PRKD1: variants seen among roughly 807,000 people sequenced by gnomAD.
The protein encoded by PRKD1 is serine/threonine-protein kinase D1.
In PRKD1, 63 loss-of-function variants were observed where a neutral mutation model predicts 95.9. That is an observed-to-expected ratio of 0.66 (90% confidence interval 0.54 to 0.81). PRKD1 has a LOEUF of 0.81. Among genes scored for constraint, PRKD1 ranks in the 30% least tolerant of loss-of-function variants. PRKD1 has a pLI of 0.00. For missense variants in PRKD1, 1,048 were observed against 1,165.3 expected, an observed-to-expected ratio of 0.90 and a Z score of 1.47; for synonymous variants, 425 against 423.1, an observed-to-expected ratio of 1.00 and a Z score of -0.05.
chr14:29,799,155 T>A (rs187724031), intron 1 of PRKD1, among the ~76,000 whole-genome samples: 1 of 152,334 alleles, frequency 6.6e-6, no homozygotes, highest in Admixed American at 6.5e-5. Context: ...TATGCAAGAA[T>A]CAAAGTTGTA....
intron 11 of PRKD1, among the ~76,000 whole-genome samples, chr14:29,628,477 A>G (rs778847672): frequency 1.3e-5 from 2 of 152,184 alleles, no homozygotes; most frequent in Non-Finnish European, 2.9e-5. Flanking sequence ...TCTGATCTAC[A>G]ATTTTCAAAA....
At chr14:29,908,806 T>C (rs1195661414) in intron 1 of PRKD1, among the ~76,000 whole-genome samples, 2 of 152,060 alleles carry the variant, frequency 1.3e-5, no homozygotes, top group Non-Finnish European at 2.9e-5. Flanking sequence ...GTCTTATGAG[T>C]TGTGACTAGA....
At chr14:29,878,826 T>G (rs1893397717) in intron 1 of PRKD1, among the ~76,000 whole-genome samples, 1 of 152,134 alleles carries the variant, frequency 6.6e-6, no homozygotes, top group Non-Finnish European at 1.5e-5. Context: ...AGTTCTGGAA[T>G]TAGATAATCA....
intron 4 of PRKD1, among the ~76,000 whole-genome samples, chr14:29,651,986 T>C (rs1881534192): frequency 6.6e-6 from 1 of 152,250 alleles, no homozygotes; most frequent in Non-Finnish European, 1.5e-5. Context: ...CCTCAGGTGA[T>C]CCACCCGCCT....
intron 2 of PRKD1, among the ~76,000 whole-genome samples, chr14:29,712,003 T>C (rs1885356273): frequency 4.6e-5 from 7 of 152,152 alleles, no homozygotes. Context: ...TTTAAACTTA[T>C]AGGAATATTG....
chr14:29,832,655 C>A (rs750305713), intron 1 of PRKD1, among the ~76,000 whole-genome samples: 14 of 152,130 alleles, frequency 9.2e-5, no homozygotes, highest in Admixed American at 2.0e-4. Flanking sequence ...CTGAGGAGAA[C>A]ACGAATTAGA....
chr14:29,588,139 CTTTT>C (rs906892846), intron 16 of PRKD1, among the ~76,000 whole-genome samples: 1 of 152,136 alleles, frequency 6.6e-6, no homozygotes, highest in Non-Finnish European at 1.5e-5. Flanking sequence ...AATTGTCTTT[CTTTT>C]GTTTCGCGTA....
rs144928679 is a variant in PRKD1, at chr14:29,666,202, G to A, written c.410C>T (p.Ala137Val). The A allele has an allele frequency of 2.1e-5, 34 of 1,590,118 alleles. No individual in the cohort carries two copies. In the African/African-American group the frequency reaches 4.1e-4, roughly 19 times the overall value. The change falls in exon 3 of 18, where the codon GCC (alanine) becomes GTC (valine). Residue 137 changes from alanine to valine, a missense_variant. Transcript: ENST00000331968. ...DLIEVVLSAS[A>V]TFEDFQIRPH... ...ACGAATCTGAAAGTCTTCAAAGGTG[G>A]CGGAAGCTGTAAAAATAGTGATGTT...
chr14:29,604,131 T>C (rs1337356665), intron 13 of PRKD1, among the ~76,000 whole-genome samples: 2 of 152,188 alleles, frequency 1.3e-5, no homozygotes, highest in African/African-American at 4.8e-5. Flanking sequence ...CTAATTCTAA[T>C]TTTTTTGTTT....
intron 3 of PRKD1, among the ~76,000 whole-genome samples, chr14:29,664,424 T>A (rs45624744): frequency 0.021 from 3,135 of 152,264 alleles, 107 homozygotes; most frequent in African/African-American, 0.07. Context: ...TGGAAACAGA[T>A]TTCCCACCTA....
chr14:29,914,909 A>G (rs1487963997), intron 1 of PRKD1, among the ~76,000 whole-genome samples: 1 of 151,788 alleles, frequency 6.6e-6, no homozygotes, highest in Non-Finnish European at 1.5e-5. Context: ...TATTTTTAGT[A>G]GAGACGGGGT....
chr14:29,882,331 T>C lies in PRKD1; in HGVS notation c.264+44918A>G, dbSNP rs576183001. Among the ~76,000 whole-genome samples, 10 of 152,342 alleles carry C rather than the reference T, an allele frequency of 6.6e-5. No homozygotes were observed. The South Asian group carries it at 1.9e-3, about 28-fold the overall frequency. On this transcript the variant is annotated intron_variant, in intron 1 of 17. Transcript: ENST00000331968. Reference sequence around the variant, plus strand: ...CACCACTGAAACTTAACCAATGTTGTCTAATATATTTCCAGTGAATTCGTT... The same window carrying C: ...CACCACTGAAACTTAACCAATGTTGCCTAATATATTTCCAGTGAATTCGTT...
At chr14:29,871,442 A>G (rs1477520820) in intron 1 of PRKD1, among the ~76,000 whole-genome samples, 1 of 152,202 alleles carries the variant, frequency 6.6e-6, no homozygotes, top group Non-Finnish European at 1.5e-5. Flanking sequence ...GAGAGGCAGG[A>G]GAGTGTAGTA....
At chr14:29,743,345 T>G (rs1172873786) in intron 1 of PRKD1, among the ~76,000 whole-genome samples, 1 of 152,088 alleles carries the variant, frequency 6.6e-6, no homozygotes, top group Non-Finnish European at 1.5e-5. Context: ...GCCTTTTCAC[T>G]GGAAGGGAGA....
At chr14:29,823,925 C>T (rs1891016517) in intron 1 of PRKD1, among the ~76,000 whole-genome samples, 1 of 152,144 alleles carries the variant, frequency 6.6e-6, no homozygotes, top group African/African-American at 2.4e-5. Context: ...TTTGGCTCTC[C>T]AAATGTTCAA....
chr14:29,836,153 G>A (rs1891603656), intron 1 of PRKD1, among the ~76,000 whole-genome samples: 1 of 152,112 alleles, frequency 6.6e-6, no homozygotes, highest in Non-Finnish European at 1.5e-5. Context: ...ACAAAAAGAG[G>A]TCTGCTTGGG....
intron 2 of PRKD1, among the ~76,000 whole-genome samples, chr14:29,707,405 C>T (rs1051386484): frequency 1.3e-5 from 2 of 152,108 alleles, no homozygotes; most frequent in Admixed American, 1.3e-4. Context: ...GTTTGGGATA[C>T]ATTAGATTCC....
intron 1 of PRKD1, among the ~76,000 whole-genome samples, chr14:29,808,775 A>T (rs192714602): frequency 6.6e-6 from 1 of 152,198 alleles, no homozygotes. Flanking sequence ...GAACCCATCA[A>T]AGTCATCCAT....
chr14:29,844,847 G>A (rs917912729), intron 1 of PRKD1, among the ~76,000 whole-genome samples: 1 of 152,176 alleles, frequency 6.6e-6, no homozygotes, highest in African/African-American at 2.4e-5. Flanking sequence ...CAATATGGCT[G>A]TGGAGCTTTG....
Sources: allele counts gnomAD v4.1 joint callset (sites outside exome capture counted in the v4.1 genomes callset), GRCh38; gene constraint gnomAD v4.1.1; transcripts MANE v1.5; gene names NCBI Gene and HGNC (gene_info 2026-07-23, HGNC 2026-07-21).